The following KIF21A variants were observed in gnomAD, a reference collection of about 807,000 sequenced individuals.
KIF21A encodes kinesin family member 21A, also known as kinesin-like protein KIF21A.
In KIF21A, 114 loss-of-function variants were observed where a neutral mutation model predicts 202.9. That is an observed-to-expected ratio of 0.56 (90% CI 0.48 to 0.66). KIF21A has a LOEUF of 0.66. Among genes scored for constraint, KIF21A ranks in the 30% least tolerant of loss-of-function variants. KIF21A has a pLI of 0.00. For missense variants in KIF21A, 1,677 were observed against 1,994.9 expected (o/e 0.84, Z 3.04); for synonymous variants, 667 against 670.8 (o/e 0.99, Z 0.09).
At chr12:39,354,282 T>G (rs1565924016) in intron 10 of KIF21A, among the ~76,000 whole-genome samples, 1 of 152,174 alleles carries the variant, frequency 6.6e-6, no homozygotes, top group Non-Finnish European at 1.5e-5. Flanking sequence ...AGAAACTTTT[T>G]AACATTGAAA....
intron 36 of KIF21A, among the ~76,000 whole-genome samples, chr12:39,302,353 T>A (rs1403690650): frequency 6.6e-6 from 1 of 152,200 alleles, no homozygotes; most frequent in Non-Finnish European, 1.5e-5. Flanking sequence ...ATCTGCTGAT[T>A]ACAAGCAGGA....
At position 39,367,987 on chromosome 12, in the gene KIF21A, T is replaced by C; in HGVS notation, c.496A>G (p.Ile166Val). The change falls in exon 4 of 38, where the codon ATT (isoleucine) becomes GTT (valine). Residue 166 changes from isoleucine to valine, a missense_variant. This residue lies in a region of KIF21A where 966 missense variants were observed against 1,180.9 expected (regional missense o/e 0.82). Transcript: ENST00000361418. Reference sequence around the variant, plus strand: ...TTTGATTTTTTACTTTTTGCATCAATATCACGAGTGGTATCAAATAAGTCA... The same window carrying C: ...TTTGATTTTTTACTTTTTGCATCAACATCACGAGTGGTATCAAATAAGTCA... ...VLDLFDTTRD[I>V]DAKSKKSNIR... The C allele has an allele frequency of 1.2e-6, 2 of 1,601,244 alleles. No homozygotes were observed. Among genetic ancestry groups the C allele is most frequent in the Non-Finnish European group, 1.7e-6 (2 of 1,169,052 alleles).
At chr12:39,310,541 C>A (rs1200414612) in intron 32 of KIF21A, among the ~76,000 whole-genome samples, 2 of 151,970 alleles carry the variant, frequency 1.3e-5, no homozygotes, top group Non-Finnish European at 2.9e-5. Flanking sequence ...CCTCAATGAC[C>A]AGCACTTCTC....
In KIF21A at chr12:39,405,826, T is replaced by C. The variant is rs1365266106; in HGVS notation, c.45-35565A>G. On this transcript the variant is annotated intron_variant, in intron 1 of 37. Coordinates refer to ENST00000361418, the MANE Select transcript of KIF21A (RefSeq NM_001173464.2). Reference sequence around the variant, plus strand: ...CTAAAAACACGAAGTTGATCATTCTTAACTAGGCCGTAAGAAAAAAAAATA... The same window carrying C: ...CTAAAAACACGAAGTTGATCATTCTCAACTAGGCCGTAAGAAAAAAAAATA... Among the ~76,000 whole-genome samples, 4 of 152,114 alleles carry C rather than the reference T, an allele frequency of 2.6e-5. No homozygotes were observed. In the East Asian group the frequency reaches 7.7e-4, roughly 29 times the overall value.
intron 14 of KIF21A, 47 bp from the exon 15 acceptor site, chr12:39,341,141 A>G: frequency 7.3e-7 from 1 of 1,362,502 alleles, no homozygotes; most frequent in Non-Finnish European, 1.0e-6. Flanking sequence ...AGGCCAAAAT[A>G]TCAGAATTCT....
intron 12 of KIF21A, among the ~76,000 whole-genome samples, chr12:39,343,370 T>G (rs147567261): frequency 6.6e-6 from 1 of 151,736 alleles, no homozygotes; most frequent in African/African-American, 2.4e-5. Context: ...AAAAATAAAT[T>G]AATTAATTAA....
chr12:39,352,230 A>G (rs1948445330), intron 10 of KIF21A, among the ~76,000 whole-genome samples: 1 of 152,014 alleles, frequency 6.6e-6, no homozygotes, highest in Non-Finnish European at 1.5e-5. Context: ...CCATCATTCT[A>G]CTTTCTGTCT....
At chr12:39,357,783 G>T (rs1259684949) in intron 8 of KIF21A, among the ~76,000 whole-genome samples, 1 of 151,250 alleles carries the variant, frequency 6.6e-6, no homozygotes, top group Non-Finnish European at 1.5e-5. Flanking sequence ...GGTGGCGGGT[G>T]CCTATAATCC....
At position 39,337,061 on chromosome 12, in the gene KIF21A, T is replaced by C. The variant is rs1194169842; in HGVS notation, c.2418+35A>G. The C allele has an allele frequency of 2.1e-6, 3 of 1,398,200 alleles. No homozygotes were observed. The Admixed American group carries it at 5.0e-5, about 23-fold the overall frequency. The allele number at this position is 1,398,200 out of a possible 1,614,324, so 86.6% of individuals were successfully genotyped here. A position where few individuals can be genotyped will look rare whatever the true frequency, so the allele number is the denominator to read the frequency against. On this transcript the variant is annotated intron_variant, in intron 17 of 37. Coordinates refer to ENST00000361418, the MANE Select transcript of KIF21A (RefSeq NM_001173464.2). The stretch of plus-strand genomic sequence containing the variant: ...TTAAACAATCTTTTTCAACGTACAA[T>C]TTTCTTATATAACTGAGAGTTAAAA...
chr12:39,399,662 C>CA (rs1566164019), intron 1 of KIF21A, among the ~76,000 whole-genome samples: 1 of 152,046 alleles, frequency 6.6e-6, no homozygotes. Context: ...CAAATAAAAC[C>CA]CAAAGCTGCT....
intron 1 of KIF21A, among the ~76,000 whole-genome samples, chr12:39,441,439 T>C (rs766895885): frequency 2.4e-4 from 36 of 151,920 alleles, no homozygotes; most frequent in Non-Finnish European, 4.7e-4. Flanking sequence ...TTGCCTCTTA[T>C]TGGGTTTTCT....
intron 1 of KIF21A, among the ~76,000 whole-genome samples, chr12:39,413,187 T>C (rs983229896): frequency 1.3e-5 from 2 of 152,208 alleles, no homozygotes; most frequent in African/African-American, 2.4e-5. Flanking sequence ...AAAAAAAGAA[T>C]ACAGCACTTG....
chr12:39,393,752 G>GA (rs1232954869), intron 1 of KIF21A, among the ~76,000 whole-genome samples: 2 of 152,200 alleles, frequency 1.3e-5, no homozygotes, highest in Non-Finnish European at 2.9e-5. Context: ...GGAGTGAGGA[G>GA]AAAGGGAACT....
chr12:39,343,929 C>T (rs1301079510), intron 12 of KIF21A, among the ~76,000 whole-genome samples: 1 of 152,084 alleles, frequency 6.6e-6, no homozygotes, highest in African/African-American at 2.4e-5. Context: ...TGCACTAGCT[C>T]GGTTGGAGCA....
chr12:39,353,024 A>G (rs1388040136), intron 10 of KIF21A, among the ~76,000 whole-genome samples: 1 of 149,416 alleles, frequency 6.7e-6, no homozygotes, highest in Admixed American at 6.7e-5. Flanking sequence ...AGACTGAAAA[A>G]TAAGAAGAAA....
chr12:39,368,201 T>C (rs945971994), intron 3 of KIF21A, among the ~76,000 whole-genome samples, 169 bp from the exon 4 acceptor site: 1 of 152,176 alleles, frequency 6.6e-6, no homozygotes, highest in African/African-American at 2.4e-5. Context: ...ATAACAATTA[T>C]AAGTAAATGC....
intron 17 of KIF21A, among the ~76,000 whole-genome samples, chr12:39,334,373 A>G (rs1489087996): frequency 2.0e-5 from 3 of 152,162 alleles, no homozygotes; most frequent in African/African-American, 4.8e-5. Flanking sequence ...TCTGTTATTT[A>G]ACAAATAATC....
intron 1 of KIF21A, among the ~76,000 whole-genome samples, chr12:39,421,718 A>G (rs1954278368): frequency 8.2e-6 from 1 of 122,186 alleles, no homozygotes; most frequent in Admixed American, 8.9e-5. Context: ...ATAAATATAT[A>G]TAATTTATAT....
At chr12:39,356,768 T>C (rs1948804368) in intron 10 of KIF21A, 64 bp downstream of exon 10, 2 of 791,702 alleles carry the variant, frequency 2.5e-6, no homozygotes, top group African/African-American at 3.4e-5. Flanking sequence ...CAAACAGAAA[T>C]ATTATAACAT....
Sources: allele counts gnomAD v4.1 joint callset (sites outside exome capture counted in the v4.1 genomes callset), GRCh38; gene constraint gnomAD v4.1.1; regional missense constraint gnomAD v4.1.1; transcripts MANE v1.5; gene names NCBI Gene and HGNC (gene_info 2026-07-23, HGNC 2026-07-21).